SNTG1: variants seen among roughly 807,000 people sequenced by gnomAD.
SNTG1 encodes the protein syntrophin gamma 1, also known as gamma-1-syntrophin.
SNTG1 carries 39 observed loss-of-function variants against 74.7 expected under a neutral mutation model. The observed-to-expected ratio is 0.52, with a 90% confidence interval of 0.40 to 0.68. The LOEUF is 0.68. Among genes scored for constraint, SNTG1 ranks in the 30% least tolerant of loss-of-function variants. The pLI, the probability that SNTG1 is intolerant of heterozygous loss-of-function variation, is 0.00. For missense variants in SNTG1, 685 were observed against 609.5 expected (o/e 1.12, Z -1.30); for synonymous variants, 254 against 217.1 (o/e 1.17, Z -1.49).
At chr8:50,053,488 G>T (rs1819752930) in intron 1 of SNTG1, among the ~76,000 whole-genome samples, 1 of 151,932 alleles carries the variant, frequency 6.6e-6, no homozygotes, top group African/African-American at 2.4e-5. Flanking sequence ...TTTAAAAGTA[G>T]ACAGTAGTGA....
chr8:50,461,650 A>G, intron 8 of SNTG1, among the ~76,000 whole-genome samples: 1 of 152,066 alleles, frequency 6.6e-6, no homozygotes, highest in East Asian at 1.9e-4. Context: ...GGGTATTGGG[A>G]ACTCTTTCTG....
chr8:50,321,806 T>A (rs1448205497), intron 2 of SNTG1, among the ~76,000 whole-genome samples: 3 of 152,148 alleles, frequency 2.0e-5, no homozygotes, highest in African/African-American at 7.2e-5. Context: ...AAAAGAAAAC[T>A]AATATAAACT....
chr8:50,142,684 T>C (rs1294738855), intron 1 of SNTG1, among the ~76,000 whole-genome samples: 1 of 152,194 alleles, frequency 6.6e-6, no homozygotes, highest in East Asian at 1.9e-4. Context: ...TTTTACTTTA[T>C]ACAAGTGTTA....
Position 49,983,862 on chromosome 8 carries a change from A to T in SNTG1, c.-103+71631A>T, listed in dbSNP as rs990906376. Among the ~76,000 whole-genome samples the T allele has an allele frequency of 2.0e-5, 3 of 152,368 alleles. No individual in the cohort carries two copies. The South Asian group carries it at 6.2e-4, about 32-fold the overall frequency. ...AAAATTTGAAACTACGTTTCATTTT[A>T]TTCATGAGAAAATTCATTCCCAGTG... On this transcript the variant is annotated intron_variant, in intron 1 of 18. Transcript: ENST00000642720.
intron 1 of SNTG1, among the ~76,000 whole-genome samples, chr8:50,096,662 T>C (rs997004157): frequency 6.6e-6 from 1 of 152,192 alleles, no homozygotes; most frequent in Non-Finnish European, 1.5e-5. Flanking sequence ...ATATAACATA[T>C]TTCTGAACTA....
chr8:50,602,246 T>A (rs1036530901), intron 13 of SNTG1, among the ~76,000 whole-genome samples: 1 of 152,134 alleles, frequency 6.6e-6, no homozygotes, highest in Non-Finnish European at 1.5e-5. Context: ...TCTGGTGGTA[T>A]GATTTAAATT....
chr8:50,488,038 G>GT, intron 8 of SNTG1, among the ~76,000 whole-genome samples: 1 of 152,176 alleles, frequency 6.6e-6, no homozygotes, highest in Non-Finnish European at 1.5e-5. Context: ...AACAAATGGA[G>GT]TCTTATTAAT....
chr8:50,021,228 A>T (rs967139083), intron 1 of SNTG1, among the ~76,000 whole-genome samples: 2 of 152,182 alleles, frequency 1.3e-5, no homozygotes, highest in Non-Finnish European at 2.9e-5. Flanking sequence ...GCTATAAGTT[A>T]TATCTATAAT....
intron 18 of SNTG1, among the ~76,000 whole-genome samples, chr8:50,764,796 G>C (rs1353874413): frequency 6.6e-6 from 1 of 151,864 alleles, no homozygotes; most frequent in Non-Finnish European, 1.5e-5. Context: ...CAAATGATTT[G>C]AAATAAGTAT....
intron 8 of SNTG1, among the ~76,000 whole-genome samples, chr8:50,490,502 C>T (rs780688505): frequency 6.6e-6 from 1 of 152,114 alleles, no homozygotes; most frequent in African/African-American, 2.4e-5. Flanking sequence ...AAGTTGTATT[C>T]CTAGGTATTT....
intron 2 of SNTG1, among the ~76,000 whole-genome samples, chr8:50,173,188 T>C (rs777510170): frequency 2.6e-5 from 4 of 152,164 alleles, no homozygotes; most frequent in Admixed American, 1.3e-4. Context: ...TCAAATTCCT[T>C]CAGGAAGGGA....
At chr8:50,393,948 C>T (rs745509626) in intron 2 of SNTG1, among the ~76,000 whole-genome samples, 1 of 152,114 alleles carries the variant, frequency 6.6e-6, no homozygotes, top group Admixed American at 6.6e-5. Flanking sequence ...TGCCTGCTGG[C>T]GGGGTGGAAA....
intron 1 of SNTG1, among the ~76,000 whole-genome samples, chr8:49,972,589 G>A (rs1385909757): frequency 7.9e-5 from 12 of 151,472 alleles, no homozygotes; most frequent in African/African-American, 2.7e-4. Context: ...AACCTACAGA[G>A]TGGAAGAAAA....
At chr8:50,367,985 G>A (rs1336866943) in intron 2 of SNTG1, among the ~76,000 whole-genome samples, 4 of 152,122 alleles carry the variant, frequency 2.6e-5, no homozygotes, top group East Asian at 1.9e-4. Flanking sequence ...GAAAAAGCCC[G>A]AATTTCTACG....
intron 1 of SNTG1, among the ~76,000 whole-genome samples, chr8:50,088,236 G>T (rs1447294741): frequency 6.6e-6 from 1 of 151,300 alleles, no homozygotes; most frequent in East Asian, 2.0e-4. Flanking sequence ...AATAAATTAG[G>T]TATTGATGGG....
At chr8:50,264,722 T>G (rs961540293) in intron 2 of SNTG1, among the ~76,000 whole-genome samples, 4 of 151,918 alleles carry the variant, frequency 2.6e-5, no homozygotes, top group African/African-American at 9.7e-5. Context: ...GTTGATACTT[T>G]GAAAACACCT....
Position 50,596,440 on chromosome 8 carries a change from T to C in SNTG1, c.849+5523T>C, listed in dbSNP as rs182948294. Among the ~76,000 whole-genome samples the C allele has an allele frequency of 2.1e-3, 314 of 152,180 alleles. 2 individuals carry two copies. The highest frequency in any genetic ancestry group is 7.3e-3 in the African/African-American group (302 of 41,574). The stretch of plus-strand genomic sequence containing the variant: ...TACAGTATTCTTTTTATTTTTAATC[T>C]ATGATTTATTTTTATTTAACACTTG... On this transcript the variant is annotated intron_variant, in intron 13 of 18. Coordinates refer to ENST00000642720, the MANE Select transcript of SNTG1 (RefSeq NM_018967.5).
upstream of SNTG1, chr8:49,910,030 C>A (rs2449961): frequency 0.79 from 120,659 of 152,342 alleles, 51,320 homozygotes; most frequent in Non-Finnish European, 0.94. Flanking sequence ...CCCCCGCGCG[C>A]GCCGCAGGCC....
chr8:50,739,973 C>A lies in SNTG1; in HGVS notation c.1285-12028C>A, dbSNP rs536082262. 4.0e-4 allele frequency among the ~76,000 whole-genome samples: 61 copies of A among 151,984 alleles called. 1 individual carries two copies. The South Asian group carries it at 9.5e-3, about 24-fold the overall frequency. ...TTTGCACCATATACCAAAATTAACA[C>A]AAGATATATTAAAGACTTAAATATA... On this transcript the variant is annotated intron_variant, in intron 17 of 18. Coordinates refer to ENST00000642720, the MANE Select transcript of SNTG1 (RefSeq NM_018967.5).
Sources: gnomAD v4.1 joint callset for allele counts (sites outside exome capture counted in the v4.1 genomes callset) on GRCh38, gnomAD v4.1.1 for gene constraint, MANE v1.5 for transcripts, NCBI Gene and HGNC (gene_info 2026-07-23, HGNC 2026-07-21) for gene names.